TMEM50B: variants seen among roughly 807,000 people sequenced by gnomAD.
TMEM50B encodes the protein HCV p7-trans-regulated protein 3.
In TMEM50B, 14 loss-of-function variants were observed where a neutral mutation model predicts 23.4. That is an observed-to-expected ratio of 0.60 (90% confidence interval 0.39 to 0.93). The LOEUF (loss-of-function observed/expected upper bound fraction) is 0.93. Among genes scored for constraint, TMEM50B ranks in the 40% least tolerant of loss-of-function variants. TMEM50B has a pLI of 0.00. For missense variants in TMEM50B, 159 were observed against 193.0 expected (o/e 0.82, Z 1.04); for synonymous variants, 64 against 62.3 (o/e 1.03, Z -0.13).
chr21:33,467,385 A>G (rs1008285162), intron 2 of TMEM50B, among the ~76,000 whole-genome samples: 1 of 152,208 alleles, frequency 6.6e-6, no homozygotes, highest in Non-Finnish European at 1.5e-5. Flanking sequence ...GCACTTTGGG[A>G]GGCCAACACG....
At chr21:33,468,060 T>A (rs1335813177) in intron 2 of TMEM50B, among the ~76,000 whole-genome samples, 4 of 134,782 alleles carry the variant, frequency 3.0e-5, no homozygotes, top group Non-Finnish European at 5.0e-5. Flanking sequence ...CAAGACCTCG[T>A]CTCTTTAAAA....
At chr21:33,442,492 A>G (rs2084016802) in intron 7 of TMEM50B, among the ~76,000 whole-genome samples, 1 of 152,170 alleles carries the variant, frequency 6.6e-6, no homozygotes, top group South Asian at 2.1e-4. Context: ...AAAAAATGAT[A>G]GCCTAAAAAT....
At chr21:33,463,336 A>T (rs1453425460) in intron 4 of TMEM50B, among the ~76,000 whole-genome samples, 1 of 152,144 alleles carries the variant, frequency 6.6e-6, no homozygotes, top group Non-Finnish European at 1.5e-5. Flanking sequence ...ATCAAGTAGA[A>T]AAGAAAGCTA....
chr21:33,454,219 T>G (rs2084148408), intron 6 of TMEM50B, among the ~76,000 whole-genome samples: 1 of 152,140 alleles, frequency 6.6e-6, no homozygotes, highest in African/African-American at 2.4e-5. Flanking sequence ...TTTTTCCACT[T>G]ACTTTAACTT....
At chr21:33,477,071 C>A (rs2084380478) in intron 1 of TMEM50B, among the ~76,000 whole-genome samples, 1 of 152,084 alleles carries the variant, frequency 6.6e-6, no homozygotes, top group South Asian at 2.1e-4. Flanking sequence ...GAGGCTGAGG[C>A]AGGTGGATGG....
chr21:33,463,542 C>G (rs181053013), intron 4 of TMEM50B, among the ~76,000 whole-genome samples: 3 of 152,192 alleles, frequency 2.0e-5, no homozygotes, highest in African/African-American at 7.2e-5. Flanking sequence ...TGTTCTGTAT[C>G]ATGATTGTAG....
chr21:33,450,887 A>G (rs2084113561), intron 6 of TMEM50B, 24 bp from the exon 7 acceptor site: 1 of 1,606,950 alleles, frequency 6.2e-7, no homozygotes, highest in Admixed American at 1.7e-5. Flanking sequence ...AAAACAAATC[A>G]TGAGGAAAAA....
downstream of TMEM50B, among the ~76,000 whole-genome samples, chr21:33,446,655 C>CAAAAAAAA (rs869154931): frequency 1.0e-4 from 2 of 19,182 alleles, no homozygotes; most frequent in Non-Finnish European, 1.7e-4. Context: ...CACACACACA[C>CAAAAAAAA]AAAAAAAAAA....
intron 6 of TMEM50B, among the ~76,000 whole-genome samples, chr21:33,455,443 C>G (rs1246494422): frequency 6.6e-6 from 1 of 152,168 alleles, no homozygotes; most frequent in Non-Finnish European, 1.5e-5. Context: ...ACTTCAGCCT[C>G]CCAAAGTGCT....
chr21:33,464,412 C>A (rs1034842327), intron 4 of TMEM50B, among the ~76,000 whole-genome samples: 1 of 150,142 alleles, frequency 6.7e-6, no homozygotes, highest in Non-Finnish European at 1.5e-5. Flanking sequence ...GTTGGCAGGG[C>A]TGGTCTCGAA....
chr21:33,477,696 G>T (rs12482939), intron 1 of TMEM50B, among the ~76,000 whole-genome samples: 22,458 of 149,574 alleles, frequency 0.15, 1,863 homozygotes, highest in African/African-American at 0.21. Flanking sequence ...TGTAATCCCA[G>T]TTTACTTGGG....
intron 1 of TMEM50B, among the ~76,000 whole-genome samples, chr21:33,473,092 C>T (rs1434688050): frequency 6.6e-6 from 1 of 151,888 alleles, no homozygotes; most frequent in Non-Finnish European, 1.5e-5. Context: ...GGAATGATGG[C>T]TCACTTCTAA....
chr21:33,470,851 C>T (rs1568986449), intron 1 of TMEM50B, among the ~76,000 whole-genome samples: 2 of 152,152 alleles, frequency 1.3e-5, no homozygotes, highest in East Asian at 3.8e-4. Flanking sequence ...GATCACACCA[C>T]TGCACTCCAG....
intron 1 of TMEM50B, among the ~76,000 whole-genome samples, chr21:33,472,359 G>A (rs1232985055): frequency 6.6e-6 from 1 of 151,708 alleles, no homozygotes; most frequent in East Asian, 1.9e-4. Flanking sequence ...CTCCAGTCAG[G>A]CAACAGAGCA....
intron 8 of TMEM50B, among the ~76,000 whole-genome samples, chr21:33,436,018 G>A (rs1340727114): frequency 3.3e-5 from 5 of 151,992 alleles, no homozygotes; most frequent in South Asian, 2.1e-4. Context: ...CCGAGATCGC[G>A]CCACTGCACT....
At chr21:33,456,122 T>C (rs2084166317) in intron 5 of TMEM50B, 2 of 533,226 alleles carry the variant, frequency 3.8e-6, no homozygotes, top group East Asian at 5.2e-5. Flanking sequence ...CGTAAAAACA[T>C]ACAAAATAAA....
chr21:33,433,782 CAATTT>C (rs2083914994), intron 8 of TMEM50B, among the ~76,000 whole-genome samples: 1 of 113,846 alleles, frequency 8.8e-6, no homozygotes, highest in Non-Finnish European at 1.7e-5. Context: ...TATTTTACCA[CAATTT>C]AATTTTTTTT....
rs2084207709 is a variant in TMEM50B, at chr21:33,460,486, G to GA, written c.299dup (p.Ile101HisfsTer27). 1 of 1,610,932 alleles carries GA rather than the reference G, an allele frequency of 6.2e-7. No individual in the cohort carries two copies. The highest frequency in any genetic ancestry group is 1.1e-5 in the South Asian group (1 of 90,536). ...ACCCAAACATCAACATGAAACCAAT[G>GA]AAAAGCCAAACTCGAGCACCTGTGT... On this transcript the variant is annotated frameshift_variant, in exon 5 of 7. Transcript: ENST00000542230. LOFTEE classifies it high-confidence loss of function.
At chr21:33,475,508 G>A (rs1050144447) in intron 1 of TMEM50B, among the ~76,000 whole-genome samples, 30 of 151,822 alleles carry the variant, frequency 2.0e-4, no homozygotes, top group Admixed American at 1.8e-3. Flanking sequence ...CACCAGGCCC[G>A]GCTACTTTTT....
Sources: gnomAD v4.1 joint callset for allele counts (sites outside exome capture counted in the v4.1 genomes callset) on GRCh38, gnomAD v4.1.1 for gene constraint, MANE v1.5 for transcripts, NCBI Gene and HGNC (gene_info 2026-07-23, HGNC 2026-07-21) for gene names.